MVB12B: variants seen among roughly 807,000 people sequenced by gnomAD.
MVB12B encodes ESCRT-I complex subunit MVB12B.
MVB12B carries 16 observed loss-of-function variants against 41.6 expected under a neutral mutation model. That is an observed-to-expected ratio of 0.38 (90% CI 0.26 to 0.58). MVB12B has a LOEUF of 0.58. MVB12B is among the 20% of genes least tolerant of loss of function. The pLI is 0.62. For synonymous variants in MVB12B, 133 were observed against 139.7 expected, an observed-to-expected ratio of 0.95 and a Z score of 0.34; for missense variants, 274 against 380.2, an observed-to-expected ratio of 0.72 and a Z score of 2.32.
At chr9:126,497,256 C>A (rs886863884) in intron 9 of MVB12B, among the ~76,000 whole-genome samples, 2 of 152,032 alleles carry the variant, frequency 1.3e-5, no homozygotes, top group Admixed American at 1.3e-4. Context: ...AGGGTGAGAC[C>A]CCCCAGCTGG....
intron 7 of MVB12B, among the ~76,000 whole-genome samples, chr9:126,470,231 A>C (rs1833283418): frequency 6.6e-6 from 1 of 152,236 alleles, no homozygotes; most frequent in African/African-American, 2.4e-5. Context: ...TTGGAGGGAC[A>C]AAAGCAATGT....
At chr9:126,330,011 TG>T (rs1486193250) in intron 1 of MVB12B, among the ~76,000 whole-genome samples, 2 of 149,194 alleles carry the variant, frequency 1.3e-5, no homozygotes, top group East Asian at 4.1e-4. Flanking sequence ...CTAGTTGCAG[TG>T]GGTTTGCCAG....
chr9:126,474,728 T>C (rs975237971), intron 7 of MVB12B, among the ~76,000 whole-genome samples: 1 of 152,240 alleles, frequency 6.6e-6, no homozygotes, highest in African/African-American at 2.4e-5. Context: ...GACACCATAC[T>C]GGGCTCTGAG....
chr9:126,476,681 C>G (rs1197625251), intron 7 of MVB12B, among the ~76,000 whole-genome samples: 1 of 151,862 alleles, frequency 6.6e-6, no homozygotes, highest in South Asian at 2.1e-4. Flanking sequence ...TCGAGACCAT[C>G]CTGGCTAACA....
chr9:126,410,207 G>A (rs1163503115), intron 6 of MVB12B, among the ~76,000 whole-genome samples: 10 of 152,022 alleles, frequency 6.6e-5, no homozygotes, highest in African/African-American at 2.4e-4. Flanking sequence ...ATGTGTGTAT[G>A]TGTTGCCCAT....
intron 9 of MVB12B, among the ~76,000 whole-genome samples, chr9:126,490,326 G>A (rs578103300): frequency 3.7e-4 from 56 of 152,152 alleles, no homozygotes; most frequent in African/African-American, 1.3e-3. Flanking sequence ...TCACCATCCC[G>A]GTCAGGAGGC....
At chr9:126,502,691 G>C (rs1833984780) in intron 9 of MVB12B, among the ~76,000 whole-genome samples, 1 of 152,186 alleles carries the variant, frequency 6.6e-6, no homozygotes, top group Non-Finnish European at 1.5e-5. Flanking sequence ...GGCACCACCT[G>C]GTATTGGTCC....
chr9:126,338,188 G>C (rs751836827), intron 1 of MVB12B, among the ~76,000 whole-genome samples: 1 of 152,244 alleles, frequency 6.6e-6, no homozygotes, highest in Non-Finnish European at 1.5e-5. Context: ...GCAGCTGGGG[G>C]GAAGGAGGGA....
chr9:126,469,269 G>T (rs1315419051), intron 7 of MVB12B, among the ~76,000 whole-genome samples: 1 of 152,242 alleles, frequency 6.6e-6, no homozygotes, highest in Non-Finnish European at 1.5e-5. Flanking sequence ...CCCAGGCACT[G>T]TGTACAGACC....
intron 6 of MVB12B, among the ~76,000 whole-genome samples, chr9:126,410,377 G>A (rs906888513): frequency 1.1e-4 from 17 of 152,196 alleles, no homozygotes; most frequent in South Asian, 6.2e-4. Flanking sequence ...GAGCATGAAC[G>A]CACATCCTAG....
chr9:126,464,394 G>C (rs2119180749), intron 7 of MVB12B, among the ~76,000 whole-genome samples: 1 of 152,086 alleles, frequency 6.6e-6, no homozygotes, highest in Admixed American at 6.5e-5. Context: ...GTAGGGAGCA[G>C]AGTGGCAGGG....
chr9:126,476,932 A>C (rs903364211), intron 7 of MVB12B, among the ~76,000 whole-genome samples: 2 of 151,726 alleles, frequency 1.3e-5, no homozygotes, highest in Admixed American at 6.6e-5. Context: ...GTATATTTTT[A>C]CATAATATAT....
intron 7 of MVB12B, among the ~76,000 whole-genome samples, chr9:126,427,537 C>G (rs1414880432): frequency 6.6e-6 from 1 of 152,090 alleles, no homozygotes; most frequent in Non-Finnish European, 1.5e-5. Flanking sequence ...TGATACCATC[C>G]TATTCTTTTG....
At chr9:126,385,618 G>A (rs1830763157) in intron 3 of MVB12B, among the ~76,000 whole-genome samples, 1 of 152,174 alleles carries the variant, frequency 6.6e-6, no homozygotes, top group Admixed American at 6.5e-5. Context: ...TGGGCTTCGG[G>A]GATGAGGCAC....
intron 6 of MVB12B, among the ~76,000 whole-genome samples, chr9:126,412,970 C>A (rs897604607): frequency 6.6e-6 from 1 of 152,102 alleles, no homozygotes; most frequent in Non-Finnish European, 1.5e-5. Context: ...TATGAAAATT[C>A]CACATTTTAT....
Position 126,468,395 on chromosome 9 carries a change from A to C in MVB12B, c.758-12974A>C, listed in dbSNP as rs1470561358. 6.6e-6 allele frequency among the ~76,000 whole-genome samples: 1 copy of C among 152,030 alleles called. No individual in the cohort carries two copies. The highest frequency in any genetic ancestry group is 1.5e-5 in the Non-Finnish European group (1 of 68,004). On this transcript the variant is annotated intron_variant, in intron 7 of 9. Coordinates refer to ENST00000361171, the MANE Select transcript of MVB12B (RefSeq NM_033446.3). The surrounding 1 kb of genome is among the most constrained non-coding windows in gnomAD (Gnocchi z 4.3). ...CTGTGGCCCAAGCCCCTCAAACCAG[A>C]CACATGCTCAGCGGGACCCACGAGT...
intron 2 of MVB12B, among the ~76,000 whole-genome samples, chr9:126,353,567 T>C (rs185386989): frequency 3.3e-4 from 50 of 152,352 alleles, no homozygotes; most frequent in African/African-American, 9.6e-4. Context: ...ATGTTTGTAA[T>C]GTATTTAACA....
chr9:126,452,423 C>T (rs962373471), intron 7 of MVB12B, among the ~76,000 whole-genome samples: 8 of 152,168 alleles, frequency 5.3e-5, no homozygotes, highest in African/African-American at 1.7e-4. Context: ...GCAGACCCTG[C>T]GGGCCCACGG....
At chr9:126,414,430 G>A (rs749009908) in intron 6 of MVB12B, among the ~76,000 whole-genome samples, 1 of 152,180 alleles carries the variant, frequency 6.6e-6, no homozygotes, top group Non-Finnish European at 1.5e-5. Flanking sequence ...GGGAAGGGGA[G>A]GATAGCTTGG....
Sources: allele counts gnomAD v4.1 joint callset (sites outside exome capture counted in the v4.1 genomes callset), GRCh38; gene constraint gnomAD v4.1.1; non-coding constraint Gnocchi (gnomAD v3.1); transcripts MANE v1.5; gene names NCBI Gene and HGNC (gene_info 2026-07-23, HGNC 2026-07-21).